Variants in EFNA5 observed in about 807,000 individuals in gnomAD.
The protein encoded by EFNA5 is ephrin A5.
Under a neutral mutation model 22.9 loss-of-function variants are expected in EFNA5, and 5 were observed. The observed-to-expected ratio is 0.22, with a 90% CI of 0.11 to 0.46. The LOEUF is 0.46. Among genes scored for constraint, EFNA5 ranks in the 20% least tolerant of loss-of-function variants. The probability of loss-of-function intolerance (pLI) is 0.99; values close to 1 mark genes in which losing one functional copy is unlikely to be tolerated. For synonymous variants in EFNA5, 113 were observed against 112.2 expected, an observed-to-expected ratio of 1.01 and a Z score of -0.04; for missense variants, 237 against 293.3, an observed-to-expected ratio of 0.81 and a Z score of 1.40.
At chr5:107,640,242 G>A (rs975161464) in intron 1 of EFNA5, among the ~76,000 whole-genome samples, 1 of 152,086 alleles carries the variant, frequency 6.6e-6, no homozygotes, top group Non-Finnish European at 1.5e-5. Context: ...TAATCTCGAT[G>A]ATAATATATG....
intron 1 of EFNA5, among the ~76,000 whole-genome samples, chr5:107,599,560 C>T (rs931637188): frequency 5.3e-5 from 8 of 152,104 alleles, no homozygotes; most frequent in African/African-American, 1.9e-4. Flanking sequence ...GCTGTTTGAA[C>T]CTTCTGAATG....
chr5:107,645,078 TG>T (rs1200894417), intron 1 of EFNA5, among the ~76,000 whole-genome samples: 3 of 152,216 alleles, frequency 2.0e-5, no homozygotes, highest in Admixed American at 6.5e-5. Context: ...TGTGCCATGG[TG>T]GTTTGCTGCA....
intron 1 of EFNA5, among the ~76,000 whole-genome samples, chr5:107,615,835 T>C (rs943706418): frequency 2.6e-5 from 4 of 152,188 alleles, no homozygotes; most frequent in Admixed American, 2.6e-4. Context: ...GCAAAAGCTG[T>C]ATTTTACACT....
At chr5:107,663,548 A>G (rs764611060) in intron 1 of EFNA5, among the ~76,000 whole-genome samples, 8 of 152,146 alleles carry the variant, frequency 5.3e-5, no homozygotes, top group Non-Finnish European at 1.2e-4. Flanking sequence ...AAATCAGGTC[A>G]CTTGATAAGC....
intron 1 of EFNA5, among the ~76,000 whole-genome samples, chr5:107,536,732 A>G (rs1037313116): frequency 6.6e-6 from 1 of 152,208 alleles, no homozygotes; most frequent in African/African-American, 2.4e-5. Context: ...GGCACTGACA[A>G]TAATTCAAAA....
At chr5:107,564,638 T>TTG (rs996950818) in intron 1 of EFNA5, among the ~76,000 whole-genome samples, 2 of 149,576 alleles carry the variant, frequency 1.3e-5, no homozygotes, top group African/African-American at 4.9e-5. Context: ...TTTGTTTTTT[T>TTG]TTTTTTTTTT....
At chr5:107,566,620 A>G (rs1748671457) in intron 1 of EFNA5, among the ~76,000 whole-genome samples, 1 of 152,208 alleles carries the variant, frequency 6.6e-6, no homozygotes, top group African/African-American at 2.4e-5. Flanking sequence ...CACAAGAGGG[A>G]GCACCCAAAA....
intron 1 of EFNA5, among the ~76,000 whole-genome samples, chr5:107,529,718 T>G (rs1331543050): frequency 6.6e-6 from 1 of 152,204 alleles, no homozygotes; most frequent in Non-Finnish European, 1.5e-5. Flanking sequence ...TCTCCTATCT[T>G]TCTTGCTTCA....
intron 1 of EFNA5, among the ~76,000 whole-genome samples, chr5:107,547,308 T>A (rs1748185786): frequency 6.6e-6 from 1 of 152,116 alleles, no homozygotes; most frequent in Non-Finnish European, 1.5e-5. Flanking sequence ...CATGCTCCCA[T>A]CTTCATGAGA....
chr5:107,573,044 C>G (rs1284819546), intron 1 of EFNA5, among the ~76,000 whole-genome samples: 1 of 152,170 alleles, frequency 6.6e-6, no homozygotes, highest in Non-Finnish European at 1.5e-5. Context: ...CAAAAAGAAA[C>G]CTGTTTGTAA....
intron 4 of EFNA5, among the ~76,000 whole-genome samples, chr5:107,382,789 C>G (rs964115803): frequency 6.6e-6 from 1 of 152,156 alleles, no homozygotes; most frequent in Non-Finnish European, 1.5e-5. Context: ...CAGTTGCCAT[C>G]TGGGAATTGC....
chr5:107,420,381 G>C (rs1278985042), intron 2 of EFNA5, among the ~76,000 whole-genome samples: 2 of 151,900 alleles, frequency 1.3e-5, no homozygotes, highest in East Asian at 3.8e-4. Flanking sequence ...TCAGAAAAGA[G>C]TTGTGATTAT....
intron 1 of EFNA5, among the ~76,000 whole-genome samples, chr5:107,593,416 A>G (rs1048277112): frequency 1.4e-4 from 21 of 152,196 alleles, no homozygotes; most frequent in Non-Finnish European, 2.6e-4. Context: ...CGTGGTCGAT[A>G]ATGCCAAGAC....
chr5:107,600,131 C>T (rs1330490591), intron 1 of EFNA5, among the ~76,000 whole-genome samples: 1 of 152,174 alleles, frequency 6.6e-6, no homozygotes, highest in Non-Finnish European at 1.5e-5. Context: ...GGGTTAATCA[C>T]AGGCTACTTC....
At chr5:107,468,587 G>A (rs1448413160) in intron 1 of EFNA5, among the ~76,000 whole-genome samples, 2 of 152,186 alleles carry the variant, frequency 1.3e-5, no homozygotes, top group Non-Finnish European at 2.9e-5. Context: ...CAGGACTAAA[G>A]AATCACACCC....
intron 1 of EFNA5, among the ~76,000 whole-genome samples, chr5:107,548,188 T>C (rs1457452817): frequency 2.6e-5 from 4 of 152,164 alleles, no homozygotes; most frequent in Admixed American, 2.6e-4. Context: ...CAACTCAAAA[T>C]TAAACTTCAG....
intron 1 of EFNA5, among the ~76,000 whole-genome samples, chr5:107,604,818 T>C (rs2112912): frequency 0.42 from 64,123 of 151,762 alleles, 14,679 homozygotes; most frequent in African/African-American, 0.61. Context: ...AAATCACTCA[T>C]CTATTCCCAT....
At position 107,476,058 on chromosome 5, in the gene EFNA5, T is replaced by TATATATATATATGTATATATATATATA; in HGVS notation, c.126-48550_126-48549insTATATATATATATACATATATATATAT. Among the ~76,000 whole-genome samples, 151 of 41,112 alleles carry TATATATATATATGTATATATATATATA rather than the reference T, an allele frequency of 3.7e-3. 13 individuals carry two copies. The highest frequency in any genetic ancestry group is 0.016 in the South Asian group (20 of 1,220). 27.0% of individuals were successfully genotyped at this position (41,112 alleles called of 152,430 possible). On this transcript the variant is annotated intron_variant, in intron 1 of 4. Transcript: ENST00000333274. ...GAGAGTTTTTAAACTATATATATAT[T>TATATATATATATGTATATATATATATA]TTTTTTTTTTGAGACAGAGTCTTGC...
At chr5:107,546,559 G>A (rs1262637836) in intron 1 of EFNA5, among the ~76,000 whole-genome samples, 1 of 152,036 alleles carries the variant, frequency 6.6e-6, no homozygotes, top group Non-Finnish European at 1.5e-5. Flanking sequence ...TATTACAAGG[G>A]CTCAATGGCA....
Sources: gnomAD v4.1 joint callset for allele counts (sites outside exome capture counted in the v4.1 genomes callset) on GRCh38, gnomAD v4.1.1 for gene constraint, MANE v1.5 for transcripts, NCBI Gene and HGNC (gene_info 2026-07-23, HGNC 2026-07-21) for gene names.